The following RGS17 variants were observed in gnomAD, a reference collection of about 807,000 sequenced individuals.
RGS17 encodes the protein regulator of G-protein signaling 17.
A neutral mutation model predicts 25.5 loss-of-function variants in RGS17; 12 were observed. The ratio of observed to expected loss-of-function variants is 0.47; its 90% confidence interval spans 0.30 to 0.76. RGS17 has a LOEUF of 0.76. RGS17 is among the 30% of genes least tolerant of loss of function. The probability of loss-of-function intolerance (pLI) is 0.07; values close to 1 mark genes in which losing one functional copy is unlikely to be tolerated. For synonymous variants in RGS17, 71 were observed against 76.9 expected, an observed-to-expected ratio of 0.92 and a Z score of 0.40; for missense variants, 196 against 242.2, an observed-to-expected ratio of 0.81 and a Z score of 1.27.
intron 1 of RGS17, among the ~76,000 whole-genome samples, chr6:153,117,364 AGG>A (rs1469540491): frequency 2.0e-5 from 3 of 152,184 alleles, no homozygotes; most frequent in Non-Finnish European, 4.4e-5. Flanking sequence ...AGCACCCACC[AGG>A]TCTCTCCCTA....
chr6:153,024,346 T>A lies in RGS17; in HGVS notation c.360A>T (p.Leu120Phe), dbSNP rs2129106936. 6.2e-7 allele frequency: 1 copy of A among 1,614,162 alleles called. No individual in the cohort carries two copies. The highest frequency in any genetic ancestry group is 1.3e-5 in the African/African-American group (1 of 75,052). ...NLLFWLACED[L>F]KKEQNKKVIE... ...TTACTTTTTTGTTCTGCTCCTTCTTTAAGTCTTCACAAGCAAGCCAGAAAA... is the reference window on the plus strand; with the variant it reads ...TTACTTTTTTGTTCTGCTCCTTCTTAAAGTCTTCACAAGCAAGCCAGAAAA... Residue 120 changes from leucine (L) to phenylalanine (F), a missense_variant, in exon 4 of 5, where the codon TTA becomes TTT. By Grantham distance (22) the Leu-to-Phe change is conservative (BLOSUM62 0). Around this residue, in one of 2 missense-constraint regions of RGS17, gnomAD observed 179 missense variants for 197.6 expected, o/e 0.91. Transcript: ENST00000206262.
chr6:153,022,952 T>A (rs764937271), intron 4 of RGS17, among the ~76,000 whole-genome samples: 1 of 152,160 alleles, frequency 6.6e-6, no homozygotes, highest in African/African-American at 2.4e-5. Context: ...TGAATACATT[T>A]TTCATGTTCA....
chr6:153,078,066 G>T (rs936542404), intron 1 of RGS17, among the ~76,000 whole-genome samples: 2 of 152,072 alleles, frequency 1.3e-5, no homozygotes, highest in Non-Finnish European at 2.9e-5. Context: ...TGGAGAAGGC[G>T]ATTCACAATG....
At chr6:153,018,555 T>C (rs1025359688) in intron 4 of RGS17, among the ~76,000 whole-genome samples, 1 of 152,200 alleles carries the variant, frequency 6.6e-6, no homozygotes, top group Non-Finnish European at 1.5e-5. Flanking sequence ...TATGACATCA[T>C]CTTGATCAAA....
chr6:153,102,066 T>G (rs540691809), intron 1 of RGS17, among the ~76,000 whole-genome samples: 1 of 152,254 alleles, frequency 6.6e-6, no homozygotes, highest in African/African-American at 2.4e-5. Flanking sequence ...AATGCAACGA[T>G]CTGCCTTTGT....
chr6:153,126,081 A>G (rs936616228), intron 1 of RGS17, among the ~76,000 whole-genome samples: 2 of 152,166 alleles, frequency 1.3e-5, no homozygotes, highest in South Asian at 4.1e-4. Context: ...TTTCACCTAG[A>G]GCTTAGTAGT....
chr6:153,025,357 T>C (rs1779288588), intron 3 of RGS17, among the ~76,000 whole-genome samples: 2 of 151,780 alleles, frequency 1.3e-5, no homozygotes, highest in South Asian at 4.2e-4. Flanking sequence ...AATGTACGAA[T>C]TGTTAGTCAT....
Position 153,011,484 on chromosome 6 carries a change from T to G in RGS17, c.*90A>C. The G allele has an allele frequency of 1.1e-6, 1 of 871,714 alleles. No homozygotes were observed. The highest frequency in any genetic ancestry group is 1.8e-6 in the Non-Finnish European group (1 of 544,206). 54.0% of individuals were successfully genotyped at this position (871,714 alleles called of 1,614,324 possible). Reference sequence around the variant, plus strand: ...CACAGTAGCCTGAGGAATGCTAAACTGTAGTTCTCCAGGAACTCAGTTTCT... The same window carrying G: ...CACAGTAGCCTGAGGAATGCTAAACGGTAGTTCTCCAGGAACTCAGTTTCT... On this transcript the variant is annotated 3_prime_UTR_variant, in exon 5 of 5. Coordinates refer to ENST00000206262, the MANE Select transcript of RGS17 (RefSeq NM_012419.5).
At chr6:153,064,641 AC>A (rs1776683249) in intron 1 of RGS17, among the ~76,000 whole-genome samples, 1 of 151,760 alleles carries the variant, frequency 6.6e-6, no homozygotes, top group South Asian at 2.1e-4. Context: ...AAAAAAAAAA[AC>A]TGGGAGGATG....
chr6:153,016,491 A>G (rs1055064095), intron 4 of RGS17, among the ~76,000 whole-genome samples: 7 of 152,218 alleles, frequency 4.6e-5, no homozygotes, highest in African/African-American at 1.7e-4. Context: ...CATTAAATAT[A>G]GTGTAAAAGT....
chr6:153,092,492 T>C (rs372781436), intron 1 of RGS17, among the ~76,000 whole-genome samples: 1 of 152,188 alleles, frequency 6.6e-6, no homozygotes, highest in Non-Finnish European at 1.5e-5. Context: ...AATGTGGTTG[T>C]TTTGTCACAG....
At chr6:153,016,787 G>A (rs1779189399) in intron 4 of RGS17, among the ~76,000 whole-genome samples, 1 of 152,200 alleles carries the variant, frequency 6.6e-6, no homozygotes, top group African/African-American at 2.4e-5. Flanking sequence ...TAAACCCCAT[G>A]GGGATAACAA....
chr6:153,023,341 A>G, intron 4 of RGS17: 17 of 505,874 alleles, frequency 3.4e-5, no homozygotes, highest in South Asian at 2.5e-4. Flanking sequence ...TAGGAGAAAC[A>G]AAAAAGACAA....
intron 2 of RGS17, among the ~76,000 whole-genome samples, chr6:153,030,252 C>G (rs181437161): frequency 5.9e-5 from 9 of 152,288 alleles, no homozygotes; most frequent in Admixed American, 5.2e-4. Context: ...ACATTACCTG[C>G]TGCCAATTAT....
rs1779125932 is a variant in RGS17 at position 153,010,935 on chromosome 6, GA to G, written c.*638del. 7.2e-6 allele frequency: 1 copy of G among 139,282 alleles called. No homozygotes were observed. The highest frequency in any genetic ancestry group is 2.2e-4 in the South Asian group (1 of 4,484). 8.6% of individuals were successfully genotyped at this position (139,282 alleles called of 1,614,324 possible). ...TTAGCATAGTAAACTCTCCTGTAAT[GA>G]AAATGCCACAGTTTTGGCAGTGAAC... On this transcript the variant is annotated 3_prime_UTR_variant, in exon 5 of 5. Transcript: ENST00000206262.
rs762374668 is a variant in RGS17, at chr6:153,024,217, T to A, written c.444+45A>T. 4 of 1,329,286 alleles carry A rather than the reference T, an allele frequency of 3.0e-6. No homozygotes were observed. The East Asian group carries it at 9.4e-5, about 31-fold the overall frequency. 82.3% of individuals were successfully genotyped at this position (1,329,286 alleles called of 1,614,324 possible). A position where few individuals can be genotyped will look rare whatever the true frequency, so the allele number is the denominator to read the frequency against. Reference sequence around the variant, plus strand: ...GTGGACAGCCATCCCTTGACGGTTATCCTTGGTCTTAGGAAGCCCACCTCA... The same window carrying A: ...GTGGACAGCCATCCCTTGACGGTTAACCTTGGTCTTAGGAAGCCCACCTCA... On this transcript the variant is annotated intron_variant, in intron 4 of 4. Coordinates refer to ENST00000206262, the MANE Select transcript of RGS17 (RefSeq NM_012419.5).
chr6:153,042,824 C>T lies in RGS17; in HGVS notation c.119+1076G>A, dbSNP rs188671688. Among the ~76,000 whole-genome samples the T allele has an allele frequency of 8.5e-5, 13 of 152,222 alleles. No individual in the cohort carries two copies. The East Asian group carries it at 2.1e-3, about 25-fold the overall frequency. ...TTACCTTCTTTTGGCCACAATGATA[C>T]AACATTTTGTCATATCAAAAAAGAA... On this transcript the variant is annotated intron_variant, in intron 2 of 4. Coordinates refer to ENST00000206262, the MANE Select transcript of RGS17 (RefSeq NM_012419.5).
chr6:153,023,380 A>G (rs754628025), intron 4 of RGS17: 7 of 510,676 alleles, frequency 1.4e-5, no homozygotes, highest in Non-Finnish European at 2.7e-5. Flanking sequence ...AAGAGAAGAC[A>G]TTCTAGGAAC....
intron 1 of RGS17, among the ~76,000 whole-genome samples, chr6:153,059,041 C>T (rs1056798581): frequency 2.0e-5 from 3 of 151,964 alleles, no homozygotes; most frequent in African/African-American, 7.2e-5. Context: ...AGTCTGGCTC[C>T]ATCAGTGAAT....
Sources: gnomAD v4.1 joint callset for allele counts (sites outside exome capture counted in the v4.1 genomes callset) on GRCh38, gnomAD v4.1.1 for gene constraint, gnomAD v4.1.1 regional missense constraint, MANE v1.5 for transcripts, NCBI Gene and HGNC (gene_info 2026-07-23, HGNC 2026-07-21) for gene names.